Variants in SLC35F4 observed in about 807,000 individuals in gnomAD.
SLC35F4 encodes the protein solute carrier family 35 member F4.
Under a neutral mutation model 44.2 loss-of-function variants are expected in SLC35F4, and 24 were observed. That is an observed-to-expected ratio of 0.54 (90% CI 0.39 to 0.76). The LOEUF is 0.76. Ranked by LOEUF, SLC35F4 falls within the 30% of genes least tolerant of loss-of-function variation. The pLI is 0.00. For missense variants in SLC35F4, 562 were observed against 586.1 expected (o/e 0.96, Z 0.42); for synonymous variants, 238 against 223.6 (o/e 1.06, Z -0.57).
chr14:57,947,639 T>A lies in SLC35F4; in HGVS notation n.282+34274A>T, dbSNP rs1890060563. ...GGGAATGCCTTCAACATTTCCTCAT[T>A]CGGTGTTATGTTGGCTGTGGATTTG... On this transcript the variant is annotated intron_variant and non_coding_transcript_variant, in intron 1 of 1. Transcript: ENST00000556568. Among the ~76,000 whole-genome samples the A allele has an allele frequency of 4.6e-5, 7 of 152,192 alleles. No individual in the cohort carries two copies. In the South Asian group the frequency reaches 1.4e-3, roughly 32 times the overall value.
At chr14:57,927,245 C>T (rs1181311205) in intron 1 of SLC35F4, among the ~76,000 whole-genome samples, 2 of 152,154 alleles carry the variant, frequency 1.3e-5, no homozygotes, top group Admixed American at 6.5e-5. Context: ...CATAACAATG[C>T]CTGCCTTAGG....
chr14:57,575,512 A>G (rs1191084011), intron 4 of SLC35F4, among the ~76,000 whole-genome samples: 1 of 152,116 alleles, frequency 6.6e-6, no homozygotes, highest in Non-Finnish European at 1.5e-5. Flanking sequence ...GGAAAAAAAA[A>G]ACTCACCATT....
chr14:57,694,783 T>C (rs1372210988), intron 1 of SLC35F4, among the ~76,000 whole-genome samples: 1 of 152,176 alleles, frequency 6.6e-6, no homozygotes, highest in Non-Finnish European at 1.5e-5. Context: ...TATTCTTATT[T>C]GATTTTTGAT....
At chr14:57,726,568 C>T (rs1463242010) in intron 1 of SLC35F4, among the ~76,000 whole-genome samples, 5 of 152,082 alleles carry the variant, frequency 3.3e-5, no homozygotes, top group African/African-American at 1.2e-4. Context: ...GTATTGTTAA[C>T]TTTATGTAAT....
intron 1 of SLC35F4, among the ~76,000 whole-genome samples, chr14:57,925,939 T>C (rs1889561211): frequency 6.6e-6 from 1 of 152,174 alleles, no homozygotes. Context: ...TTACAGGGGC[T>C]TTTGTCTTTT....
chr14:57,967,264 C>T (rs1175865370), intron 1 of SLC35F4, among the ~76,000 whole-genome samples: 5 of 152,086 alleles, frequency 3.3e-5, no homozygotes, highest in African/African-American at 9.7e-5. Context: ...ATAAATACAT[C>T]ATATAAAATA....
chr14:57,975,682 A>T (rs573403282), downstream of SLC35F4, among the ~76,000 whole-genome samples: 2 of 152,366 alleles, frequency 1.3e-5, no homozygotes, highest in African/African-American at 2.4e-5. Context: ...CCCAGAAAAC[A>T]TTCTCTTCAT....
intron 6 of SLC35F4, among the ~76,000 whole-genome samples, chr14:57,569,089 G>T (rs193256314): frequency 4.4e-4 from 67 of 152,200 alleles, no homozygotes; most frequent in Admixed American, 2.7e-3. Context: ...AGGACTCGAG[G>T]TGACTTTTTC....
At chr14:57,709,926 G>A (rs1308066688) in intron 1 of SLC35F4, among the ~76,000 whole-genome samples, 1 of 152,186 alleles carries the variant, frequency 6.6e-6, no homozygotes, top group South Asian at 2.1e-4. Context: ...GCCTGATTAT[G>A]CAATAGAAAC....
rs539743636 is a variant in SLC35F4, at chr14:57,687,910, G to A, written c.104-93786C>T. Among the ~76,000 whole-genome samples, 18 of 152,276 alleles carry A rather than the reference G, an allele frequency of 1.2e-4. No homozygotes were observed. The South Asian group carries it at 1.2e-3, about 11-fold the overall frequency. On this transcript the variant is annotated intron_variant, in intron 1 of 7. Transcript: ENST00000556826. ...CATATATGAAGACTGAAGCAGCTGC[G>A]CATTCAGGTTAAAATTGTGGTACTG...
intron 1 of SLC35F4, among the ~76,000 whole-genome samples, chr14:57,878,229 T>C (rs1352311985): frequency 6.6e-6 from 1 of 152,168 alleles, no homozygotes; most frequent in Non-Finnish European, 1.5e-5. Context: ...GGATGCATAG[T>C]TTGCAAGTAT....
intron 1 of SLC35F4, among the ~76,000 whole-genome samples, chr14:57,690,831 T>C (rs927951779): frequency 2.0e-5 from 3 of 152,104 alleles, no homozygotes; most frequent in Admixed American, 2.0e-4. Context: ...CTAATGCCAC[T>C]ACTGATCTGA....
chr14:57,643,086 T>C (rs1219482094), intron 1 of SLC35F4, among the ~76,000 whole-genome samples: 1 of 151,348 alleles, frequency 6.6e-6, no homozygotes, highest in East Asian at 1.9e-4. Context: ...AATATAAAAA[T>C]GCAAACCTTA....
chr14:57,744,632 A>T (rs564538502), intron 1 of SLC35F4, among the ~76,000 whole-genome samples: 66 of 152,288 alleles, frequency 4.3e-4, no homozygotes, highest in African/African-American at 1.5e-3. Flanking sequence ...AATCAATATC[A>T]TGAAAATGGC....
rs10137186 is a variant in SLC35F4 at position 57,894,251 on chromosome 14, C to T, written n.282+87662G>A. ...CTATATGAAATTGAGTAAAAAGAGCCTTGAGACAATTCATGACTTTTGGAA... is the reference window on the plus strand; with the variant it reads ...CTATATGAAATTGAGTAAAAAGAGCTTTGAGACAATTCATGACTTTTGGAA... On this transcript the variant is annotated intron_variant and non_coding_transcript_variant, in intron 1 of 1. Coordinates refer to the SLC35F4 transcript ENST00000556568. Among the ~76,000 whole-genome samples the T allele has an allele frequency of 7.0e-3, 1,071 of 152,070 alleles. 11 individuals are homozygous for T. The highest frequency in any genetic ancestry group is 0.025 in the African/African-American group (1,023 of 41,494).
At chr14:57,677,885 T>A (rs1181131577) in intron 1 of SLC35F4, among the ~76,000 whole-genome samples, 5 of 151,910 alleles carry the variant, frequency 3.3e-5, no homozygotes, top group Admixed American at 6.6e-5. Flanking sequence ...TAAAAATTAA[T>A]AATCTGTTAC....
rs368854137 is a variant in SLC35F4 at position 57,666,790 on chromosome 14, G to C, written c.104-72666C>G. ...AAAGCTATCAGGGCAGTTTCAAAAG[G>C]CTTTATTTGATTTAGTAAGCATTGT... On this transcript the variant is annotated intron_variant, in intron 1 of 7. Coordinates refer to ENST00000556826, the MANE Select transcript of SLC35F4 (RefSeq NM_001306087.2). Among the ~76,000 whole-genome samples, 8 of 151,972 alleles carry C rather than the reference G, an allele frequency of 5.3e-5. No homozygotes were observed. The East Asian group carries it at 1.4e-3, about 26-fold the overall frequency.
At chr14:57,920,343 C>T (rs1002606591) in intron 1 of SLC35F4, among the ~76,000 whole-genome samples, 1 of 152,100 alleles carries the variant, frequency 6.6e-6, no homozygotes. Flanking sequence ...GAGAAGTCAA[C>T]GCAGGAGGAT....
intron 1 of SLC35F4, among the ~76,000 whole-genome samples, chr14:57,716,926 G>A (rs2075961177): frequency 6.6e-6 from 1 of 151,940 alleles, no homozygotes; most frequent in African/African-American, 2.4e-5. Flanking sequence ...CTACTTCTAT[G>A]AGATCAACTT....
Sources: allele counts gnomAD v4.1 joint callset (sites outside exome capture counted in the v4.1 genomes callset), GRCh38; gene constraint gnomAD v4.1.1; transcripts MANE v1.5; gene names NCBI Gene and HGNC (gene_info 2026-07-23, HGNC 2026-07-21).